The following CYP4F22 variants were observed in gnomAD, a reference collection of about 807,000 sequenced individuals.
The protein encoded by CYP4F22 is cytochrome P450 family 4 subfamily F member 22.
CYP4F22 carries 37 observed loss-of-function variants against 60.4 expected under a neutral mutation model. That is an observed-to-expected ratio of 0.61 (90% CI 0.47 to 0.81). The LOEUF (loss-of-function observed/expected upper bound fraction) is 0.81. Among genes scored for constraint, CYP4F22 ranks in the 30% least tolerant of loss-of-function variants. CYP4F22 has a pLI of 0.00. For synonymous variants in CYP4F22, 258 were observed against 280.5 expected (o/e 0.92, Z 0.80); for missense variants, 655 against 715.0 (o/e 0.92, Z 0.96).
At chr19:15,537,035 G>A (rs2002696) in intron 4 of CYP4F22, among the ~76,000 whole-genome samples, 4,061 of 152,160 alleles carry the variant, frequency 0.027, 193 homozygotes, top group African/African-American at 0.093. Flanking sequence ...ACGATGGCTC[G>A]TGCTTGTAAT....
chr19:15,529,133 A>AT (rs60549680), intron 3 of CYP4F22, among the ~76,000 whole-genome samples: 6,284 of 100,606 alleles, frequency 0.062, 478 homozygotes, highest in African/African-American at 0.18. Flanking sequence ...ATTTTATTTT[A>AT]TTTTTTTTTT....
At chr19:15,517,046 C>A (rs577534349) in intron 1 of CYP4F22, among the ~76,000 whole-genome samples, 2 of 152,214 alleles carry the variant, frequency 1.3e-5, no homozygotes, top group South Asian at 4.1e-4. Flanking sequence ...GTCTTGAACT[C>A]CTGACCTCAG....
Position 15,549,220 on chromosome 19 carries a change from TCCTCCCTGC to T in CYP4F22, c.1335+23_1335+31del, listed in dbSNP as rs1464198335. The T allele has an allele frequency of 1.2e-6, 2 of 1,613,506 alleles. No homozygotes were observed. The highest frequency in any genetic ancestry group is 1.7e-6 in the Non-Finnish European group (2 of 1,179,838). On this transcript the variant is annotated intron_variant, in intron 12 of 13. Transcript: ENST00000269703. ...ACTCCAAGGTGAGTGCCTGCCCCAC[TCCTCCCTGC>T]CCTCAGGTCCTCCCCTCCCCTGCGC...
intron 10 of CYP4F22, among the ~76,000 whole-genome samples, chr19:15,544,872 C>T (rs1971503156): frequency 1.3e-5 from 2 of 151,968 alleles, no homozygotes; most frequent in African/African-American, 4.8e-5. Context: ...ATCAACCTGG[C>T]CAACATGGTG....
chr19:15,549,818 G>A (rs1356036147), intron 12 of CYP4F22, among the ~76,000 whole-genome samples: 2 of 140,444 alleles, frequency 1.4e-5, no homozygotes, highest in Non-Finnish European at 3.1e-5. Flanking sequence ...AAAAAAAAAA[G>A]TTAGCCAGCC....
chr19:15,537,799 G>A (rs143598221), intron 6 of CYP4F22, 73 bp from the exon 7 acceptor site: 131 of 1,610,942 alleles, frequency 8.1e-5, no homozygotes, highest in Admixed American at 1.8e-4. Context: ...TAGTGAAAAC[G>A]CAGTCGGGTC....
At chr19:15,524,097 T>C (rs1971254340) in intron 2 of CYP4F22, among the ~76,000 whole-genome samples, 1 of 149,260 alleles carries the variant, frequency 6.7e-6, no homozygotes, top group Non-Finnish European at 1.5e-5. Context: ...GGAATATCCA[T>C]ACAATGGAAT....
chr19:15,511,391 G>T (rs915668977), intron 1 of CYP4F22, among the ~76,000 whole-genome samples: 4 of 152,152 alleles, frequency 2.6e-5, no homozygotes, highest in Middle Eastern at 3.4e-3. Context: ...CCCAGGACGG[G>T]GAGGTTGCAG....
At chr19:15,536,406 G>A (rs1971395232) in intron 4 of CYP4F22, among the ~76,000 whole-genome samples, 1 of 152,142 alleles carries the variant, frequency 6.6e-6, no homozygotes, top group Admixed American at 6.5e-5. Flanking sequence ...GGAAGACAGA[G>A]GTGTCTTGAG....
chr19:15,543,945 T>C, intron 8 of CYP4F22, 26 bp from the exon 9 acceptor site: 1 of 1,613,364 alleles, frequency 6.2e-7, no homozygotes, highest in Non-Finnish European at 8.5e-7. Flanking sequence ...TGAAGTGGGC[T>C]GAGCACCCTC....
At chr19:15,510,720 C>T (rs1269139009) in intron 1 of CYP4F22, among the ~76,000 whole-genome samples, 1 of 152,066 alleles carries the variant, frequency 6.6e-6, no homozygotes, top group Non-Finnish European at 1.5e-5. Flanking sequence ...AGGACTGTCT[C>T]CTTTACCACA....
intron 2 of CYP4F22, among the ~76,000 whole-genome samples, chr19:15,524,706 G>GAC (rs1971261717): frequency 6.6e-6 from 1 of 151,932 alleles, no homozygotes; most frequent in African/African-American, 2.4e-5. Flanking sequence ...AAGAAAGAGA[G>GAC]AGAGAAAGAA....
intron 1 of CYP4F22, chr19:15,516,813 C>T (rs1315258591): frequency 4.1e-5 from 18 of 441,608 alleles, no homozygotes; most frequent in South Asian, 2.3e-4. Flanking sequence ...CCATGGGGTA[C>T]GTGGCCTGAA....
intron 8 of CYP4F22, among the ~76,000 whole-genome samples, chr19:15,542,652 C>T (rs1483295883): frequency 6.6e-6 from 1 of 152,092 alleles, no homozygotes; most frequent in African/African-American, 2.4e-5. Flanking sequence ...CAACTCATCA[C>T]CTAGGTATTA....
At chr19:15,509,946 T>TTTCTTTCTTTCTTTCTTTCTTTCTTTC (rs1184001640) in intron 1 of CYP4F22, among the ~76,000 whole-genome samples, 1 of 136,732 alleles carries the variant, frequency 7.3e-6, no homozygotes, top group South Asian at 2.6e-4. Flanking sequence ...TCTTTCTTTC[T>TTTCTTTCTTTCTTTCTTTCTTTCTTTC]TTTCTCTGTC....
rs745682521 is a variant in CYP4F22 at position 15,540,472 on chromosome 19, G to T, written c.694G>T (p.Ala232Ser). The change falls in exon 8 of 14, where the codon GCT becomes TCT. Residue 232 changes from alanine (A) to serine (S), a missense_variant. Physicochemically the swap from Ala to Ser is moderately conservative, Grantham distance 99. Around this residue, in one of 3 missense-constraint regions of CYP4F22, gnomAD observed 430 missense variants for 457.1 expected, o/e 0.94. Coordinates refer to ENST00000269703, the MANE Select transcript of CYP4F22 (RefSeq NM_173483.4). ...CQEKMSDYIS[A>S]IIELSALSVR... The stretch of plus-strand genomic sequence containing the variant: ...CAGGAAGATGAGTGATTATATCTCC[G>T]CTATCATTGAACTGAGCGCTCTGTC... 5 of 1,614,134 alleles carry T rather than the reference G, an allele frequency of 3.1e-6. No homozygotes were observed. In the East Asian group the frequency reaches 1.1e-4, roughly 36 times the overall value.
chr19:15,526,747 C>CA (rs1413735407), intron 3 of CYP4F22, among the ~76,000 whole-genome samples: 3 of 134,438 alleles, frequency 2.2e-5, no homozygotes, highest in Non-Finnish European at 4.9e-5. Flanking sequence ...TAGACTTTTC[C>CA]TTTTTTTTTT....
rs528449834 is a variant in CYP4F22, at chr19:15,520,673, C to T, written c.-108-3020C>T. Among the ~76,000 whole-genome samples the T allele has an allele frequency of 5.9e-5, 9 of 152,100 alleles. No homozygotes were observed. In the South Asian group the frequency reaches 1.9e-3, roughly 32 times the overall value. On this transcript the variant is annotated intron_variant, in intron 1 of 13. Transcript: ENST00000269703. ...CACGATCTCGGCTCACTGCAACCTC[C>T]GCCTCCCAAGTTCAAGCGATTTTCC...
chr19:15,522,331 T>C (rs1485497420), intron 1 of CYP4F22, among the ~76,000 whole-genome samples: 1 of 151,950 alleles, frequency 6.6e-6, no homozygotes, highest in Non-Finnish European at 1.5e-5. Context: ...TCTCCAAATC[T>C]GATGATGACC....
Sources: gnomAD v4.1 joint callset for allele counts (sites outside exome capture counted in the v4.1 genomes callset) on GRCh38, gnomAD v4.1.1 for gene constraint, gnomAD v4.1.1 regional missense constraint, MANE v1.5 for transcripts, NCBI Gene and HGNC (gene_info 2026-07-23, HGNC 2026-07-21) for gene names.